Variants in CACNA1D observed in about 807,000 individuals in gnomAD.
CACNA1D encodes the protein calcium voltage-gated channel subunit alpha1 D.
In CACNA1D, 55 loss-of-function variants were observed where a neutral mutation model predicts 257.1. That is an observed-to-expected ratio of 0.21 (90% CI 0.17 to 0.27). CACNA1D has a LOEUF of 0.27. CACNA1D is among the 10% of genes least tolerant of loss of function. The pLI is 1.00. For missense variants in CACNA1D, 1,876 were observed against 2,784.0 expected (o/e 0.67, Z 7.34); for synonymous variants, 980 against 1,014.9 (o/e 0.97, Z 0.65).
At chr3:53,585,116 G>T (rs192008014) in intron 3 of CACNA1D, among the ~76,000 whole-genome samples, 4 of 150,740 alleles carry the variant, frequency 2.7e-5, no homozygotes, top group Admixed American at 6.6e-5. Context: ...ATATTCACAC[G>T]CTTTGTCTCA....
intron 3 of CACNA1D, among the ~76,000 whole-genome samples, chr3:53,537,975 G>A (rs772042030): frequency 6.6e-6 from 1 of 151,972 alleles, no homozygotes; most frequent in Non-Finnish European, 1.5e-5. Context: ...GAGGCACTTA[G>A]TATCTGATTG....
chr3:53,615,431 C>G (rs1483520952), intron 3 of CACNA1D, among the ~76,000 whole-genome samples: 3 of 152,148 alleles, frequency 2.0e-5, no homozygotes, highest in Non-Finnish European at 4.4e-5. Context: ...GTAGATTAAC[C>G]CACCCTTTCC....
At chr3:53,579,019 C>A (rs752185898) in intron 3 of CACNA1D, among the ~76,000 whole-genome samples, 1 of 152,296 alleles carries the variant, frequency 6.6e-6, no homozygotes, top group Admixed American at 6.5e-5. Flanking sequence ...CCTCTGACAG[C>A]CTGTGGCCAG....
At chr3:53,678,038 AGAATC>A (rs2108444511) in intron 8 of CACNA1D, among the ~76,000 whole-genome samples, 1 of 152,366 alleles carries the variant, frequency 6.6e-6, no homozygotes, top group African/African-American at 2.4e-5. Flanking sequence ...ATGCAAGAAA[AGAATC>A]GAATCAATTC....
At chr3:53,752,542 G>A (rs1171442429) in intron 28 of CACNA1D, among the ~76,000 whole-genome samples, 2 of 152,188 alleles carry the variant, frequency 1.3e-5, no homozygotes, top group Non-Finnish European at 2.9e-5. Flanking sequence ...TACGATTACA[G>A]GCATATGCCA....
chr3:53,646,047 A>T (rs536925483), intron 3 of CACNA1D, among the ~76,000 whole-genome samples: 5 of 152,168 alleles, frequency 3.3e-5, no homozygotes, highest in Admixed American at 6.5e-5. Context: ...TCATCTAAAG[A>T]GGGAAGTTCA....
intron 4 of CACNA1D, among the ~76,000 whole-genome samples, chr3:53,651,366 C>CT (rs779207160): frequency 0.018 from 1,459 of 81,748 alleles, 158 homozygotes; most frequent in Middle Eastern, 0.051. Context: ...TATTAATTTT[C>CT]TTTTTTTTTT....
rs751054299 is a variant in CACNA1D, at chr3:53,810,043, G to A, written c.5937G>A (p.Arg1979=). Residue 1979 remains arginine (R), a synonymous_variant, in exon 47 of 48, where the codon CGG becomes CGA. Coordinates refer to ENST00000350061, the MANE Select transcript of CACNA1D (RefSeq NM_001128840.3). ...AQKYSPSHST[R]SWATPPATPP... is the part of the protein sequence containing the mutation. ...AGTACTCACCGAGTCACTCGACCCG[G>A]TCGTGGGCCACCCCTCCAGCAACCC... 1 of 1,613,988 alleles carries A rather than the reference G, an allele frequency of 6.2e-7. No individual in the cohort carries two copies. The highest frequency in any genetic ancestry group is 8.5e-7 in the Non-Finnish European group (1 of 1,180,024).
Position 53,774,215 on chromosome 3 carries a change from C to G in CACNA1D, c.4111-372C>G. ...TCAGTTCTGAGTTTACATGTCACTT[C>G]CCCCTAGAGGCCTTCCCTGACCCAG... On this transcript the variant is annotated intron_variant, in intron 33 of 47. Transcript: ENST00000350061. This position sits in a 1 kb window ranked among gnomAD's most constrained non-coding sequence, Gnocchi z 4.3. The G allele has an allele frequency of 3.5e-6, 1 of 286,048 alleles. No homozygotes were observed. The highest frequency in any genetic ancestry group is 6.8e-6 in the Non-Finnish European group (1 of 147,808). The allele number at this position is 286,048 out of a possible 1,614,324, so 17.7% of individuals were successfully genotyped here.
In CACNA1D at chr3:53,711,475, G is replaced by A. The variant is rs534550235; in HGVS notation, c.1391-6826G>A. On this transcript the variant is annotated intron_variant, in intron 9 of 47. Transcript: ENST00000350061. ...CCTGCCTTGCTCTGCCCAAGTCATG[G>A]CAGTGGTTCGACAGCAGCACAAAGC... 2.6e-5 allele frequency among the ~76,000 whole-genome samples: 4 copies of A among 152,354 alleles called. No homozygotes were observed. The South Asian group carries it at 8.3e-4, about 32-fold the overall frequency.
intron 5 of CACNA1D, among the ~76,000 whole-genome samples, chr3:53,662,117 T>A (rs983116570): frequency 4.6e-5 from 7 of 152,224 alleles, no homozygotes; most frequent in Admixed American, 2.6e-4. Context: ...CCAGGAATGT[T>A]TGACTGTTTA....
intron 3 of CACNA1D, among the ~76,000 whole-genome samples, chr3:53,522,642 C>A (rs1197786080): frequency 6.6e-6 from 1 of 152,118 alleles, no homozygotes; most frequent in African/African-American, 2.4e-5. Context: ...AATTTTTTAT[C>A]GAAAATTTTA....
chr3:53,787,329 C>T (rs573045493), intron 40 of CACNA1D, among the ~76,000 whole-genome samples: 53 of 152,238 alleles, frequency 3.5e-4, no homozygotes, highest in Non-Finnish European at 6.3e-4. Context: ...TCCATCTGAA[C>T]GCAAGTGCTT....
intron 3 of CACNA1D, among the ~76,000 whole-genome samples, chr3:53,542,002 G>A (rs919512141): frequency 3.9e-5 from 6 of 152,258 alleles, no homozygotes; most frequent in African/African-American, 1.4e-4. Context: ...GAGAGAGTGG[G>A]GTGATAGGGA....
chr3:53,730,786 A>G (rs2094983696), intron 16 of CACNA1D, among the ~76,000 whole-genome samples: 1 of 152,238 alleles, frequency 6.6e-6, no homozygotes, highest in Non-Finnish European at 1.5e-5. Context: ...ACGTGTCCCC[A>G]TGCTTAAAGA....
intron 14 of CACNA1D, 52 bp from the exon 15 acceptor site, chr3:53,726,827 C>A: frequency 6.2e-7 from 1 of 1,613,506 alleles, no homozygotes; most frequent in Non-Finnish European, 8.5e-7. Flanking sequence ...TCTAAGAGAG[C>A]GGCTGCAATT....
intron 14 of CACNA1D, 87 bp downstream of exon 14, chr3:53,724,086 A>G: frequency 1.9e-6 from 2 of 1,069,002 alleles, no homozygotes; most frequent in South Asian, 1.3e-5. Flanking sequence ...ACTCAGGAAG[A>G]CAAAAGGACT....
At chr3:53,607,063 A>G (rs2093519982) in intron 3 of CACNA1D, among the ~76,000 whole-genome samples, 1 of 152,246 alleles carries the variant, frequency 6.6e-6, no homozygotes, top group Admixed American at 6.5e-5. Context: ...AAACATTGGA[A>G]ACATTGTTTT....
chr3:53,531,554 G>C (rs1307137439), intron 3 of CACNA1D, among the ~76,000 whole-genome samples: 2 of 152,180 alleles, frequency 1.3e-5, no homozygotes, highest in Non-Finnish European at 2.9e-5. Context: ...ATGATTTGGT[G>C]GGGGCTTGAT....
Sources: allele counts gnomAD v4.1 joint callset (sites outside exome capture counted in the v4.1 genomes callset), GRCh38; gene constraint gnomAD v4.1.1; non-coding constraint Gnocchi (gnomAD v3.1); transcripts MANE v1.5; gene names NCBI Gene and HGNC (gene_info 2026-07-23, HGNC 2026-07-21).